The following RBM44 variants were observed in gnomAD, a reference collection of about 807,000 sequenced individuals.
RBM44 encodes the protein RNA-binding protein 44.
A neutral mutation model predicts 105.1 loss-of-function variants in RBM44; 66 were observed. That is an observed-to-expected ratio of 0.63 (90% CI 0.52 to 0.77). The LOEUF (loss-of-function observed/expected upper bound fraction) is 0.77, where lower values mean the gene tolerates loss of function less well. RBM44 is among the 30% of genes least tolerant of loss of function. RBM44 has a pLI of 0.00. For missense variants in RBM44, 1,122 were observed against 1,207.8 expected, an observed-to-expected ratio of 0.93 and a Z score of 1.05; for synonymous variants, 365 against 417.6, an observed-to-expected ratio of 0.87 and a Z score of 1.54.
intron 1 of RBM44, among the ~76,000 whole-genome samples, chr2:237,800,143 G>T (rs1407871552): frequency 1.3e-5 from 2 of 151,720 alleles, no homozygotes; most frequent in Non-Finnish European, 2.9e-5. Context: ...GCTCAACACT[G>T]TTGTTACTGT....
intron 1 of RBM44, among the ~76,000 whole-genome samples, chr2:237,806,951 A>G: frequency 6.6e-6 from 1 of 152,146 alleles, no homozygotes; most frequent in Non-Finnish European, 1.5e-5. Context: ...ATTTTATAAG[A>G]TTGTTATCTT....
chr2:237,817,682 CAAG>C lies in RBM44; in HGVS notation c.768_770del (p.Glu257del). On this transcript the variant is annotated inframe_deletion, in exon 3 of 16. Transcript: ENST00000316997. ...TTTCGATTCACTTGATGTTTATGGA[CAAG>C]AAGAGTCACTTCATGTCTCCAAATT... 3.1e-6 allele frequency: 5 copies of C among 1,612,520 alleles called. No individual in the cohort carries two copies. The East Asian group carries it at 8.9e-5, about 29-fold the overall frequency.
At position 237,840,178 on chromosome 2, in the gene RBM44, A is replaced by ACT; in HGVS notation, c.*23-1658_*23-1657dup. Among the ~76,000 whole-genome samples, 3 of 127,466 alleles carry ACT rather than the reference A, an allele frequency of 2.4e-5. No homozygotes were observed. The Admixed American group carries it at 2.6e-4, about 11-fold the overall frequency. 83.6% of individuals were successfully genotyped at this position (127,466 alleles called of 152,430 possible). A position where few individuals can be genotyped will look rare whatever the true frequency, so the allele number is the denominator to read the frequency against. The stretch of plus-strand genomic sequence containing the variant: ...ACTCCAGTCTGGGTGATAGAGCAAG[A>ACT]CTCTATCTCAAAAAAAAAAAAAAAA... On this transcript the variant is annotated intron_variant, in intron 15 of 15. Coordinates refer to ENST00000316997, the MANE Select transcript of RBM44 (RefSeq NM_001080504.3).
Position 237,817,880 on chromosome 2 carries a change from G to A in RBM44, c.961G>A (p.Val321Ile), listed in dbSNP as rs1224454907. The change falls in exon 3 of 16, where the codon GTA becomes ATA. Residue 321 changes from valine to isoleucine, a missense_variant. By Grantham distance (29) the Val-to-Ile change is conservative. This residue lies in a region of RBM44 where 918 missense variants were observed against 955.3 expected (regional missense o/e 0.96). Transcript: ENST00000316997. The stretch of plus-strand genomic sequence containing the variant: ...GAGTGGTTCCTTGAGCCCTCAAAAA[G>A]TATTAAAAATGAAAATTTATACTGA... ...SKSGSLSPQKVLKMKIYTENM... is the reference protein window; with the variant it reads ...SKSGSLSPQKILKMKIYTENM... 6.3e-7 allele frequency: 1 copy of A among 1,598,882 alleles called. No individual in the cohort carries two copies. Among genetic ancestry groups the A allele is most frequent in the African/African-American group, 1.4e-5 (1 of 73,626 alleles).
Position 237,818,991 on chromosome 2 carries a change from C to CTTCCAGA in RBM44, c.1736+33_1736+34insTCCAGAT, listed in dbSNP as rs1559913870. 25 of 1,176,760 alleles carry CTTCCAGA rather than the reference C, an allele frequency of 2.1e-5. No individual in the cohort carries two copies. The highest frequency in any genetic ancestry group is 2.9e-5 in the Non-Finnish European group (24 of 832,072). The allele number at this position is 1,176,760 out of a possible 1,614,324, so 72.9% of individuals were successfully genotyped here. A position where few individuals can be genotyped will look rare whatever the true frequency, so the allele number is the denominator to read the frequency against. Reference sequence around the variant, plus strand: ...CATTTATATATGCTTACAGATACATCTGGAAGAAAAAATCAAAATAGTATT... The same window carrying CTTCCAGA: ...CATTTATATATGCTTACAGATACATCTTCCAGATGGAAGAAAAAATCAAAATAGTATT... On this transcript the variant is annotated intron_variant, in intron 4 of 15. Transcript: ENST00000316997. This position sits in a 1 kb window ranked among gnomAD's most constrained non-coding sequence, Gnocchi z 4.6.
chr2:237,836,778 CAAAAAAAA>C (rs71039782), intron 15 of RBM44, among the ~76,000 whole-genome samples: 5 of 87,998 alleles, frequency 5.7e-5, no homozygotes, highest in African/African-American at 8.4e-5. Context: ...GACTCCGTCT[CAAAAAAAA>C]AAAAAAAAAA....
chr2:237,820,498 G>T, intron 5 of RBM44, 147 bp downstream of exon 5: 1 of 505,002 alleles, frequency 2.0e-6, no homozygotes, highest in Non-Finnish European at 3.5e-6. Flanking sequence ...AAGGGTAATA[G>T]AACCCTTGAG....
chr2:237,817,958 G>C lies in RBM44; in HGVS notation c.1039G>C (p.Val347Leu), dbSNP rs751940358. ...EGKDFCGNKIVENKILLHLEN... is the reference protein window; with the variant it reads ...EGKDFCGNKILENKILLHLEN... ...TAAAGATTTTTGTGGAAATAAAATT[G>C]TTGAGAACAAAATATTACTGCACCT... is the stretch of plus-strand genomic sequence containing the variant. Residue 347 changes from valine (V) to leucine (L), a missense_variant, in exon 3 of 16, where the codon GTT (valine) becomes CTT (leucine). By Grantham distance (32) the Val-to-Leu change is conservative (BLOSUM62 1). Around this residue, in one of 3 missense-constraint regions of RBM44, gnomAD observed 918 missense variants for 955.3 expected, o/e 0.96. Transcript: ENST00000316997. The C allele has an allele frequency of 3.1e-6, 5 of 1,606,152 alleles. No homozygotes were observed. Among genetic ancestry groups the C allele is most frequent in the Non-Finnish European group, 4.2e-6 (5 of 1,177,676 alleles).
chr2:237,806,115 T>C (rs999304057), intron 1 of RBM44, among the ~76,000 whole-genome samples: 1 of 152,230 alleles, frequency 6.6e-6, no homozygotes, highest in African/African-American at 2.4e-5. Flanking sequence ...AAGGTGGTTT[T>C]CAAGGAAGTT....
Position 237,817,074 on chromosome 2 carries a change from A to C in RBM44, c.155A>C (p.Asp52Ala). 1 of 1,600,758 alleles carries C rather than the reference A, an allele frequency of 6.2e-7. No homozygotes were observed. The highest frequency in any genetic ancestry group is 1.3e-5 in the African/African-American group (1 of 74,142). The stretch of plus-strand genomic sequence containing the variant: ...GAAGTCAAATTGACTTTTCCTGATG[A>C]TGACTGGAATTCTTCGACACTAGAG... Reference protein sequence around the residue: ...CDEVKLTFPDDDWNSSTLEQR... With the variant: ...CDEVKLTFPDADWNSSTLEQR... Residue 52 changes from aspartate (D) to alanine (A), a missense_variant, in exon 3 of 16, where the codon GAT becomes GCT. Around this residue, in one of 3 missense-constraint regions of RBM44, gnomAD observed 918 missense variants for 955.3 expected, o/e 0.96. Coordinates refer to ENST00000316997, the MANE Select transcript of RBM44 (RefSeq NM_001080504.3).
Position 237,841,602 on chromosome 2 carries a change from T to C in RBM44, c.*23-237T>C, listed in dbSNP as rs1341456268. ...AGTTTAAAATAAAATATCTGATTTT[T>C]CTTTATTAAAATGAAATAAAATGAG... On this transcript the variant is annotated intron_variant, in intron 15 of 15. Coordinates refer to ENST00000316997, the MANE Select transcript of RBM44 (RefSeq NM_001080504.3). This position sits in a 1 kb window ranked among gnomAD's most constrained non-coding sequence, Gnocchi z 4.5. Among the ~76,000 whole-genome samples, 1 of 151,762 alleles carries C rather than the reference T, an allele frequency of 6.6e-6. No individual in the cohort carries two copies. Among genetic ancestry groups the C allele is most frequent in the Non-Finnish European group, 1.5e-5 (1 of 67,992 alleles).
chr2:237,804,663 A>G (rs1322922375), intron 1 of RBM44, among the ~76,000 whole-genome samples: 1 of 152,132 alleles, frequency 6.6e-6, no homozygotes, highest in East Asian at 1.9e-4. Context: ...ATTTGTTTCA[A>G]TTCCCTATAG....
At position 237,821,376 on chromosome 2, in the gene RBM44, A is replaced by G. The variant is rs1328126005; in HGVS notation, c.2120+8A>G. ...GAAAAAAGAAACACATGTGTGAGTT[A>G]TGGTTTCATTTGATTTATAATTCAT... On this transcript the variant is annotated splice_region_variant and intron_variant, in intron 7 of 15. Coordinates refer to ENST00000316997, the MANE Select transcript of RBM44 (RefSeq NM_001080504.3). 1 of 1,547,626 alleles carries G rather than the reference A, an allele frequency of 6.5e-7. No homozygotes were observed. Among genetic ancestry groups the G allele is most frequent in the South Asian group, 1.2e-5 (1 of 83,082 alleles).
At chr2:237,819,026 T>C (rs1296843750) in intron 4 of RBM44, 67 bp downstream of exon 4, 5 of 758,740 alleles carry the variant, frequency 6.6e-6, no homozygotes, top group Non-Finnish European at 1.1e-5. Flanking sequence ...TTGCTTTCTG[T>C]ATAGCATACT....
chr2:237,803,949 G>A lies in RBM44; in HGVS notation c.-19+5088G>A, dbSNP rs1014483775. On this transcript the variant is annotated intron_variant, in intron 1 of 15. Transcript: ENST00000316997. This position sits in a 1 kb window ranked among gnomAD's most constrained non-coding sequence, Gnocchi z 4.2. The stretch of plus-strand genomic sequence containing the variant: ...GTCACCCAGGCTGGGGTACAGTGGC[G>A]CAATCTCAGCTGACTGCAACCTCTG... 2.0e-5 allele frequency among the ~76,000 whole-genome samples: 3 copies of A among 151,096 alleles called. No homozygotes were observed. Among genetic ancestry groups the A allele is most frequent in the Non-Finnish European group, 4.4e-5 (3 of 67,894 alleles).
At chr2:237,813,492 C>A in intron 1 of RBM44, 100 bp from the exon 2 acceptor site, 1 of 611,200 alleles carries the variant, frequency 1.6e-6, no homozygotes, top group Non-Finnish European at 2.7e-6. Flanking sequence ...AAAAAATGTT[C>A]CTTGGAAATT....
At position 237,803,861 on chromosome 2, in the gene RBM44, C is replaced by A. The variant is rs1042103386; in HGVS notation, c.-19+5000C>A. Among the ~76,000 whole-genome samples the A allele has an allele frequency of 6.6e-6, 1 of 151,628 alleles. No individual in the cohort carries two copies. The highest frequency in any genetic ancestry group is 1.5e-5 in the Non-Finnish European group (1 of 67,954). On this transcript the variant is annotated intron_variant, in intron 1 of 15. Coordinates refer to ENST00000316997, the MANE Select transcript of RBM44 (RefSeq NM_001080504.3). The surrounding 1 kb of genome is among the most constrained non-coding windows in gnomAD (Gnocchi z 4.2). ...AGTAGAAATATACTTGTGCCAGTAC[C>A]ATTTATTGAATATGCCTTAGACCTT...
Position 237,810,275 on chromosome 2 carries a change from A to C in RBM44, c.-18-3317A>C, listed in dbSNP as rs528422226. On this transcript the variant is annotated intron_variant, in intron 1 of 15. Transcript: ENST00000316997. Reference sequence around the variant, plus strand: ...TAATTTTGCTGATCTCCAGACCTCTATATCTCCATTTGAATGTCAAATAGA... The same window carrying C: ...TAATTTTGCTGATCTCCAGACCTCTCTATCTCCATTTGAATGTCAAATAGA... Among the ~76,000 whole-genome samples, 4 of 152,240 alleles carry C rather than the reference A, an allele frequency of 2.6e-5. No homozygotes were observed. The East Asian group carries it at 7.7e-4, about 29-fold the overall frequency.
intron 10 of RBM44, among the ~76,000 whole-genome samples, chr2:237,826,136 G>A (rs557428414): frequency 6.6e-6 from 1 of 151,880 alleles, no homozygotes; most frequent in East Asian, 1.9e-4. Flanking sequence ...TAAGTGTTAG[G>A]CTACTCTTAT....
Sources: gnomAD v4.1 joint callset for allele counts (sites outside exome capture counted in the v4.1 genomes callset) on GRCh38, gnomAD v4.1.1 for gene constraint, gnomAD v4.1.1 regional missense constraint, Gnocchi (gnomAD v3.1) non-coding constraint, MANE v1.5 for transcripts, NCBI Gene and HGNC (gene_info 2026-07-23, HGNC 2026-07-21) for gene names.